The following GIT2 variants were observed in gnomAD, a reference collection of about 807,000 sequenced individuals.
GIT2 encodes the protein ARF GTPase-activating protein GIT2.
In GIT2, 32 loss-of-function variants were observed where a neutral mutation model predicts 100.3. The observed-to-expected ratio is 0.32, with a 90% CI of 0.24 to 0.43. The LOEUF is 0.43. GIT2 is among the 20% of genes least tolerant of loss of function. GIT2 has a pLI of 1.00. For missense variants in GIT2, 737 were observed against 975.1 expected (o/e 0.76, Z 3.25); for synonymous variants, 353 against 364.1 (o/e 0.97, Z 0.35).
chr12:109,953,200 G>A lies in GIT2; in HGVS notation c.1134C>T (p.Asn378=). ...TGTCTTGACTCTCAACGCTGTGCTG[G>A]TTATTGATGGTTTTCAGTATGAGCT... ...NVELILKTIN[N]QHSVESQDND... is the part of the protein sequence containing the mutation. The change falls in exon 13 of 20, where the codon AAC becomes AAT. Residue 378 remains asparagine, a synonymous_variant. Transcript: ENST00000355312. 6.2e-7 allele frequency: 1 copy of A among 1,613,862 alleles called. No individual in the cohort carries two copies. Among genetic ancestry groups the A allele is most frequent in the Non-Finnish European group, 8.5e-7 (1 of 1,179,770 alleles).
At chr12:109,987,574 C>T (rs1887635926) in intron 4 of GIT2, among the ~76,000 whole-genome samples, 1 of 151,778 alleles carries the variant, frequency 6.6e-6, no homozygotes, top group Non-Finnish European at 1.5e-5. Flanking sequence ...TCAAGTCATC[C>T]TCCAACCTCA....
intron 7 of GIT2, 128 bp from the exon 8 acceptor site, chr12:109,967,631 C>T (rs1274737494): frequency 2.9e-6 from 2 of 686,578 alleles, no homozygotes; most frequent in Non-Finnish European, 5.1e-6. Context: ...AGTCATGTTG[C>T]TAGACTAGCT....
upstream of GIT2, chr12:109,997,778 C>A (rs1395566506): frequency 6.6e-6 from 1 of 152,158 alleles, no homozygotes; most frequent in Non-Finnish European, 1.5e-5. Flanking sequence ...TACTGTTTTT[C>A]TTCATATGCG....
chr12:109,997,532 A>G (rs1889619445), upstream of GIT2: 1 of 152,210 alleles, frequency 6.6e-6, no homozygotes, highest in Admixed American at 6.5e-5. Flanking sequence ...CTTAAGAATG[A>G]TTTTTACATT....
chr12:109,993,209 G>A (rs1011459211), intron 1 of GIT2, among the ~76,000 whole-genome samples: 1 of 152,074 alleles, frequency 6.6e-6, no homozygotes, highest in African/African-American at 2.4e-5. Context: ...TAAGTAAACT[G>A]AATACCTAGA....
intron 16 of GIT2, chr12:109,943,066 A>G (rs1875243057): frequency 6.6e-6 from 1 of 152,248 alleles, no homozygotes; most frequent in Non-Finnish European, 1.5e-5. Flanking sequence ...GACACGCCAT[A>G]AAAATCTAAA....
chr12:109,977,344 C>T (rs1885313036), intron 7 of GIT2, among the ~76,000 whole-genome samples: 1 of 152,072 alleles, frequency 6.6e-6, no homozygotes, highest in African/African-American at 2.4e-5. Context: ...AACCCCATCT[C>T]TACAAAAAAT....
Position 109,961,309 on chromosome 12 carries a change from A to G in GIT2, c.956T>C (p.Val319Ala). Residue 319 changes from valine (V) to alanine (A), a missense_variant, in exon 11 of 20, where the codon GTC (valine) becomes GCC (alanine). Physicochemically the swap from Val to Ala is moderately conservative, Grantham distance 64. This residue lies in a region of GIT2 where 20 missense variants were observed against 55.2 expected (regional missense o/e 0.36). Transcript: ENST00000355312. ...TETTVVPFLPVNPEYSSTRNQ... is the reference protein window; with the variant it reads ...TETTVVPFLPANPEYSSTRNQ... Reference sequence around the variant, plus strand: ...TCGTGTTGATGAGTACTCAGGATTGACCGGAAGAAAGGGGACGACCGTTGT... The same window carrying G: ...TCGTGTTGATGAGTACTCAGGATTGGCCGGAAGAAAGGGGACGACCGTTGT... The G allele has an allele frequency of 6.2e-7, 1 of 1,612,590 alleles. No homozygotes were observed. Among genetic ancestry groups the G allele is most frequent in the Non-Finnish European group, 8.5e-7 (1 of 1,178,768 alleles).
chr12:109,983,776 A>C (rs1418110307), intron 4 of GIT2, 82 bp from the exon 5 acceptor site: 4 of 822,266 alleles, frequency 4.9e-6, no homozygotes, highest in Non-Finnish European at 8.2e-6. Context: ...GACCATTTTA[A>C]TATATGTTAC....
intron 16 of GIT2, among the ~76,000 whole-genome samples, chr12:109,941,292 C>T (rs1185579136): frequency 1.3e-5 from 2 of 152,076 alleles, no homozygotes; most frequent in Non-Finnish European, 2.9e-5. Context: ...TCTGTAGAAT[C>T]GACAACTTTG....
chr12:109,971,952 C>T (rs1167466898), intron 7 of GIT2, among the ~76,000 whole-genome samples: 7 of 151,710 alleles, frequency 4.6e-5, no homozygotes, highest in Admixed American at 4.6e-4. Flanking sequence ...CGAGATCACA[C>T]CACTGCACTC....
At chr12:109,975,717 T>G (rs1027163094) in intron 7 of GIT2, among the ~76,000 whole-genome samples, 1 of 152,030 alleles carries the variant, frequency 6.6e-6, no homozygotes, top group African/African-American at 2.4e-5. Flanking sequence ...TGAGTAATTT[T>G]TAATACTCCA....
chr12:109,948,062 T>C lies in GIT2; in HGVS notation c.1393-558A>G. 2 of 869,892 alleles carry C rather than the reference T, an allele frequency of 2.3e-6. No homozygotes were observed. Among genetic ancestry groups the C allele is most frequent in the East Asian group, 1.2e-4 (1 of 8,240 alleles). The allele number at this position is 869,892 out of a possible 1,614,324, so 53.9% of individuals were successfully genotyped here. ...CTTTCCAAAAAGCCAACAAGAAAAA[T>C]TATGATCAACAAGTTTTTATTACAT... On this transcript the variant is annotated intron_variant, in intron 14 of 19. Coordinates refer to ENST00000355312, the MANE Select transcript of GIT2 (RefSeq NM_057169.5). This position sits in a 1 kb window ranked among gnomAD's most constrained non-coding sequence, Gnocchi z 4.3.
At chr12:109,980,395 T>TTTTA (rs1197737077) in intron 7 of GIT2, among the ~76,000 whole-genome samples, 1 of 151,874 alleles carries the variant, frequency 6.6e-6, no homozygotes, top group African/African-American at 2.4e-5. Context: ...ATTTATTTAT[T>TTTTA]TTTATTTATT....
intron 18 of GIT2, among the ~76,000 whole-genome samples, 164 bp downstream of exon 18, chr12:109,938,216 A>G (rs896225383): frequency 2.6e-5 from 4 of 152,216 alleles, no homozygotes; most frequent in African/African-American, 4.8e-5. Context: ...AACAAGACAA[A>G]GCAAACCAAA....
chr12:109,946,147 T>A (rs566722318), intron 15 of GIT2, among the ~76,000 whole-genome samples: 1 of 151,992 alleles, frequency 6.6e-6, no homozygotes, highest in South Asian at 2.1e-4. Flanking sequence ...AAAAAAAGAT[T>A]CTTAACTTAG....
chr12:109,943,805 T>C (rs1226893199), intron 16 of GIT2, among the ~76,000 whole-genome samples: 2 of 151,652 alleles, frequency 1.3e-5, no homozygotes, highest in African/African-American at 2.4e-5. Context: ...GATCCTCCCA[T>C]CTCAGCCTCC....
chr12:109,985,848 A>G (rs755431764), intron 4 of GIT2, among the ~76,000 whole-genome samples: 6 of 136,336 alleles, frequency 4.4e-5, no homozygotes, highest in Non-Finnish European at 7.6e-5. Context: ...GACTCTATCT[A>G]AAAAAAACAA....
chr12:109,945,284 C>A lies in GIT2; in HGVS notation c.1707G>T (p.Trp569Cys), dbSNP rs1270487375. Residue 569 changes from tryptophan to cysteine, a missense_variant, in exon 16 of 20, where the codon TGG becomes TGT. Physicochemically the swap from Trp to Cys is radical, Grantham distance 215. This residue lies in a region of GIT2 where 451 missense variants were observed against 543.7 expected (regional missense o/e 0.83). Coordinates refer to ENST00000355312, the MANE Select transcript of GIT2 (RefSeq NM_057169.5). The stretch of plus-strand genomic sequence containing the variant: ...CCCTTCGGGCGCTTTCGTCCCTCGA[C>A]CAGGAAAGTGTGGAGGGGAAGGAAG... ...SLPSFPSTLS[W>C]SRDESARRAS... The A allele has an allele frequency of 6.3e-7, 1 of 1,576,044 alleles. No homozygotes were observed. Among genetic ancestry groups the A allele is most frequent in the Non-Finnish European group, 8.7e-7 (1 of 1,145,732 alleles).
Sources: allele counts gnomAD v4.1 joint callset (sites outside exome capture counted in the v4.1 genomes callset), GRCh38; gene constraint gnomAD v4.1.1; regional missense constraint gnomAD v4.1.1; non-coding constraint Gnocchi (gnomAD v3.1); transcripts MANE v1.5; gene names NCBI Gene and HGNC (gene_info 2026-07-23, HGNC 2026-07-21).